Variants in TOX observed in about 807,000 individuals in gnomAD.
The protein encoded by TOX is thymocyte selection associated high mobility group box, also known as thymocyte selection-associated high mobility group box protein TOX.
Under a neutral mutation model 53.7 loss-of-function variants are expected in TOX, and 11 were observed. The ratio of observed to expected loss-of-function variants is 0.20; its 90% CI spans 0.13 to 0.34. TOX has a LOEUF of 0.34. TOX is among the 10% of genes least tolerant of loss of function. The pLI, the probability that TOX is intolerant of heterozygous loss-of-function variation, is 1.00. For missense variants in TOX, 570 were observed against 664.6 expected (o/e 0.86, Z 1.56); for synonymous variants, 225 against 245.3 (o/e 0.92, Z 0.77).
chr8:58,882,678 G>T (rs563119872), intron 3 of TOX, among the ~76,000 whole-genome samples: 1 of 152,308 alleles, frequency 6.6e-6, no homozygotes, highest in Middle Eastern at 3.4e-3. Flanking sequence ...TCAACACAAA[G>T]AAGACCTTTT....
At chr8:58,836,609 A>G (rs978730287) in intron 5 of TOX, among the ~76,000 whole-genome samples, 2 of 152,200 alleles carry the variant, frequency 1.3e-5, no homozygotes, top group African/African-American at 4.8e-5. Flanking sequence ...GGAAATACGT[A>G]GAGATTTCAG....
At chr8:58,973,764 G>T (rs180861218) in intron 1 of TOX, among the ~76,000 whole-genome samples, 39 of 151,812 alleles carry the variant, frequency 2.6e-4, no homozygotes, top group African/African-American at 8.9e-4. Flanking sequence ...TATCACGAGG[G>T]ATACACAGTG....
chr8:58,859,621 A>T (rs1420818957), intron 3 of TOX, among the ~76,000 whole-genome samples: 1 of 152,158 alleles, frequency 6.6e-6, no homozygotes, highest in Non-Finnish European at 1.5e-5. Flanking sequence ...TAGAACCACC[A>T]TCTTCAGAGA....
At position 58,808,251 on chromosome 8, in the gene TOX, C is replaced by T. The variant is rs372921240; in HGVS notation, c.1411G>A (p.Asp471Asn). The T allele has an allele frequency of 4.3e-6, 7 of 1,610,496 alleles. No individual in the cohort carries two copies. Among genetic ancestry groups the T allele is most frequent in the East Asian group, 4.5e-5 (2 of 44,828 alleles). The change falls in exon 8 of 9, where the codon GAC becomes AAC. Residue 471 changes from aspartate to asparagine, a missense_variant. This residue lies in a region of TOX where 239 missense variants were observed against 250.7 expected (regional missense o/e 0.95). Coordinates refer to ENST00000361421, the MANE Select transcript of TOX (RefSeq NM_014729.3). ...GTAGGATTGATAATAGTCTGATAGT[C>T]GGGTTGAAGAGTAAATCCCTGAAAG... Reference protein sequence around the residue: ...TMQQGFTLQPDYQTIINPTST... With the variant: ...TMQQGFTLQPNYQTIINPTST...
At chr8:59,098,849 T>C (rs749514275) in intron 1 of TOX, among the ~76,000 whole-genome samples, 1 of 152,168 alleles carries the variant, frequency 6.6e-6, no homozygotes, top group Non-Finnish European at 1.5e-5. Context: ...CAGGGAAACA[T>C]TGGAGAAATG....
At chr8:59,010,053 T>C (rs993598572) in intron 1 of TOX, among the ~76,000 whole-genome samples, 1 of 152,200 alleles carries the variant, frequency 6.6e-6, no homozygotes, top group African/African-American at 2.4e-5. Context: ...ATCAAAATTA[T>C]CACTCTTGAC....
intron 1 of TOX, among the ~76,000 whole-genome samples, chr8:59,027,247 T>C (rs966109904): frequency 2.8e-4 from 42 of 152,286 alleles, no homozygotes; most frequent in Admixed American, 5.9e-4. Context: ...TTCCAAATTT[T>C]ATAAAAGCAT....
chr8:59,111,761 A>G (rs1397975697), intron 1 of TOX, among the ~76,000 whole-genome samples: 6 of 152,088 alleles, frequency 3.9e-5, no homozygotes, highest in Non-Finnish European at 8.8e-5. Flanking sequence ...AATACATTCT[A>G]TTTTCTTGGC....
intron 3 of TOX, among the ~76,000 whole-genome samples, chr8:58,887,510 A>G (rs539213593): frequency 6.6e-6 from 1 of 151,952 alleles, no homozygotes; most frequent in African/African-American, 2.4e-5. Flanking sequence ...TCTAAATTAT[A>G]TTTTTATAGA....
chr8:58,941,568 G>C (rs1190638656), intron 2 of TOX, among the ~76,000 whole-genome samples: 1 of 152,104 alleles, frequency 6.6e-6, no homozygotes, highest in Non-Finnish European at 1.5e-5. Flanking sequence ...ACACCCAACT[G>C]TTTCCAATAA....
chr8:58,809,032 A>G (rs1202609027), intron 7 of TOX, among the ~76,000 whole-genome samples: 5 of 152,240 alleles, frequency 3.3e-5, no homozygotes, highest in African/African-American at 1.2e-4. Context: ...CGAAGCTATT[A>G]AAAATTCAAG....
chr8:58,873,293 CT>C (rs1320950066), intron 3 of TOX, among the ~76,000 whole-genome samples: 2 of 152,070 alleles, frequency 1.3e-5, no homozygotes, highest in Non-Finnish European at 2.9e-5. Flanking sequence ...CATGATGATA[CT>C]TTAAAAGATT....
At chr8:58,821,102 T>G (rs1416196084) in intron 6 of TOX, among the ~76,000 whole-genome samples, 1 of 152,196 alleles carries the variant, frequency 6.6e-6, no homozygotes, top group East Asian at 1.9e-4. Flanking sequence ...AAAGATCATT[T>G]CAATTAAGAA....
intron 1 of TOX, among the ~76,000 whole-genome samples, chr8:58,966,194 A>T (rs190921634): frequency 1.2e-4 from 18 of 152,198 alleles, no homozygotes; most frequent in Admixed American, 7.2e-4. Context: ...GAACCTGTTG[A>T]TGATACAAGT....
intron 3 of TOX, among the ~76,000 whole-genome samples, chr8:58,881,677 T>A (rs895374543): frequency 3.3e-5 from 4 of 120,180 alleles, no homozygotes; most frequent in Non-Finnish European, 6.4e-5. Flanking sequence ...TGAGCCGAGA[T>A]CACACCACTG....
intron 1 of TOX, among the ~76,000 whole-genome samples, chr8:59,111,067 C>T (rs960375627): frequency 6.6e-6 from 1 of 152,108 alleles, no homozygotes; most frequent in Non-Finnish European, 1.5e-5. Context: ...GACTGGAACA[C>T]AGATGGATTA....
intron 3 of TOX, among the ~76,000 whole-genome samples, chr8:58,899,518 T>C (rs894602572): frequency 2.2e-4 from 34 of 152,208 alleles, no homozygotes; most frequent in African/African-American, 1.2e-4. Context: ...GGGTCAACTA[T>C]GGAATTAACA....
intron 1 of TOX, among the ~76,000 whole-genome samples, chr8:59,094,866 G>A (rs575154906): frequency 4.5e-4 from 68 of 152,194 alleles, no homozygotes; most frequent in Middle Eastern, 3.4e-3. Context: ...CTTTTATCCT[G>A]GTTTCTAAAG....
intron 3 of TOX, among the ~76,000 whole-genome samples, chr8:58,859,038 A>G (rs1287319110): frequency 1.3e-5 from 2 of 152,212 alleles, no homozygotes; most frequent in Non-Finnish European, 2.9e-5. Context: ...AAATTTATTT[A>G]TTATTTTCCT....
Sources: allele counts gnomAD v4.1 joint callset (sites outside exome capture counted in the v4.1 genomes callset), GRCh38; gene constraint gnomAD v4.1.1; regional missense constraint gnomAD v4.1.1; transcripts MANE v1.5; gene names NCBI Gene and HGNC (gene_info 2026-07-23, HGNC 2026-07-21).